CENPV: variants seen among roughly 807,000 people sequenced by gnomAD.
CENPV encodes centromere protein V.
CENPV carries 15 observed loss-of-function variants against 26.4 expected under a neutral mutation model. The observed-to-expected ratio is 0.57, with a 90% CI of 0.38 to 0.88. The LOEUF (loss-of-function observed/expected upper bound fraction) is 0.88, where lower values mean the gene tolerates loss of function less well. CENPV is among the 40% of genes least tolerant of loss of function. CENPV has a pLI of 0.00. For synonymous variants in CENPV, 172 were observed against 165.5 expected (o/e 1.04, Z -0.30); for missense variants, 336 against 376.5 (o/e 0.89, Z 0.89).
intron 3 of CENPV, among the ~76,000 whole-genome samples, chr17:16,345,012 T>C (rs2142897043): frequency 6.6e-6 from 1 of 152,076 alleles, no homozygotes; most frequent in Non-Finnish European, 1.5e-5. Flanking sequence ...ACCTCATGAT[T>C]CACCCACCTT....
Position 16,353,162 on chromosome 17 carries a change from G to A in CENPV, c.275C>T (p.Pro92Leu), listed in dbSNP as rs771253207. The A allele has an allele frequency of 3.4e-6, 5 of 1,451,638 alleles. No homozygotes were observed. Among genetic ancestry groups the A allele is most frequent in the South Asian group, 1.4e-5 (1 of 71,452 alleles). 89.9% of individuals were successfully genotyped at this position (1,451,638 alleles called of 1,614,324 possible). Residue 92 changes from proline to leucine, a missense_variant, in exon 1 of 5, where the codon CCG becomes CTG. This residue lies in a region of CENPV where 181 missense variants were observed against 148.8 expected (regional missense o/e 1.22). Coordinates refer to ENST00000299736, the MANE Select transcript of CENPV (RefSeq NM_181716.3). The stretch of plus-strand genomic sequence containing the variant: ...CGTCGGGGTCGCGGGAGTCGGCGGC[G>A]GCGGCGGCGGTGGCGGGAGCAACGC... ...ELALLPPPPP[P>L]PPTPATPTSS... is the part of the protein sequence containing the mutation.
chr17:16,347,111 A>G (rs2093210367), intron 3 of CENPV, among the ~76,000 whole-genome samples: 3 of 152,060 alleles, frequency 2.0e-5, no homozygotes, highest in Non-Finnish European at 4.4e-5. Flanking sequence ...TTGGCCTTCC[A>G]AAGTGCTGGG....
At chr17:16,344,992 C>T (rs2093199371) in intron 3 of CENPV, among the ~76,000 whole-genome samples, 1 of 151,900 alleles carries the variant, frequency 6.6e-6, no homozygotes, top group African/African-American at 2.4e-5. Flanking sequence ...AGGTTGGTCT[C>T]GAACTCCTGA....
intron 1 of CENPV, chr17:16,351,829 G>C (rs2093230331): frequency 6.6e-6 from 1 of 151,894 alleles, no homozygotes; most frequent in South Asian, 2.1e-4. Context: ...CTTTTTTTCT[G>C]TATGCCTTGA....
chr17:16,353,199 G>C lies in CENPV; in HGVS notation c.238C>G (p.Pro80Ala). The change falls in exon 1 of 5, where the codon CCG (proline) becomes GCG (alanine). Residue 80 changes from proline (P) to alanine (A), a missense_variant. This residue lies in a region of CENPV where 181 missense variants were observed against 148.8 expected (regional missense o/e 1.22). Transcript: ENST00000299736. ...AQEEGPGEPP[P>A]PELALLPPPP... is the part of the protein sequence containing the mutation. ...GGCGGGAGCAACGCCAGCTCAGGCGGCGGCGGCTCCCCCGGGCCCTCCTCC... is the reference window on the plus strand; with the variant it reads ...GGCGGGAGCAACGCCAGCTCAGGCGCCGGCGGCTCCCCCGGGCCCTCCTCC... 2.2e-6 allele frequency: 3 copies of C among 1,370,968 alleles called. No homozygotes were observed. The South Asian group carries it at 5.2e-5, about 24-fold the overall frequency. 84.9% of individuals were successfully genotyped at this position (1,370,968 alleles called of 1,614,324 possible).
intron 1 of CENPV, 80 bp downstream of exon 1, chr17:16,352,947 C>A: frequency 1.4e-6 from 2 of 1,428,062 alleles, no homozygotes; most frequent in South Asian, 1.4e-5. Flanking sequence ...CCAAGGCCTG[C>A]ACGCGGGCTG....
intron 2 of CENPV, chr17:16,349,451 A>C: frequency 2.0e-6 from 2 of 986,422 alleles, no homozygotes; most frequent in Non-Finnish European, 2.4e-6. Flanking sequence ...GGTACAAATC[A>C]GGCCCTCCAC....
chr17:16,349,634 A>G, intron 2 of CENPV: 1 of 1,137,332 alleles, frequency 8.8e-7, no homozygotes, highest in Non-Finnish European at 1.1e-6. Context: ...GCACACCTGC[A>G]GCTAACCGCC....
Position 16,353,010 on chromosome 17 carries a change from C to T in CENPV, c.410+17G>A, listed in dbSNP as rs555542775. On this transcript the variant is annotated intron_variant, in intron 1 of 4. Transcript: ENST00000299736. ...GCGTGGCAACGGCTCCCGCGCCCCC[C>T]GGCCCGCCGCACTCACAAGGTGTCT... 57 of 1,540,386 alleles carry T rather than the reference C, an allele frequency of 3.7e-5. 1 individual carries two copies. In the East Asian group the frequency reaches 1.3e-3, roughly 36 times the overall value.
chr17:16,350,117 A>T, intron 1 of CENPV, 88 bp from the exon 2 acceptor site: 4 of 1,504,624 alleles, frequency 2.7e-6, no homozygotes, highest in Non-Finnish European at 1.8e-6. Context: ...ACAGAAGATT[A>T]GACAAAAGTC....
In CENPV at chr17:16,348,544, C is replaced by T. The variant is rs1286428364; in HGVS notation, c.579+72G>A. ...TCCCATGCTACAGACGGCATGCTAACAGTTGGGTGGGGGGTCCTGTAAATC... is the reference window on the plus strand; with the variant it reads ...TCCCATGCTACAGACGGCATGCTAATAGTTGGGTGGGGGGTCCTGTAAATC... On this transcript the variant is annotated intron_variant, in intron 3 of 4. Coordinates refer to ENST00000299736, the MANE Select transcript of CENPV (RefSeq NM_181716.3). 1.4e-5 allele frequency: 22 copies of T among 1,600,202 alleles called. No individual in the cohort carries two copies. In the East Asian group the frequency reaches 2.9e-4, roughly 21 times the overall value.
Position 16,342,806 on chromosome 17 carries a change from G to C in CENPV, c.*11C>G, listed in dbSNP as rs141730289. 22 of 1,613,996 alleles carry C rather than the reference G, an allele frequency of 1.4e-5. No individual in the cohort carries two copies. Among genetic ancestry groups the C allele is most frequent in the Non-Finnish European group, 1.9e-5 (22 of 1,179,974 alleles). ...ATCATTCCTCCTTTTCAGGGCAGGA[G>C]AGGCAGAAGCTCACTCTTTAGACAT... is the stretch of plus-strand genomic sequence containing the variant. On this transcript the variant is annotated 3_prime_UTR_variant, in exon 5 of 5. Transcript: ENST00000299736.
Position 16,353,358 on chromosome 17 carries a change from A to C in CENPV, c.79T>G (p.Ser27Ala), listed in dbSNP as rs754483275. The C allele has an allele frequency of 2.9e-6, 3 of 1,030,656 alleles. No homozygotes were observed. The African/African-American group carries it at 5.8e-5, about 20-fold the overall frequency. The allele number at this position is 1,030,656 out of a possible 1,614,324, so 63.8% of individuals were successfully genotyped here. The change falls in exon 1 of 5, where the codon TCC becomes GCC. Residue 27 changes from serine (S) to alanine (A), a missense_variant. This residue lies in a region of CENPV where 181 missense variants were observed against 148.8 expected (regional missense o/e 1.22). Transcript: ENST00000299736. The part of the protein sequence containing the change: ...RSGASAAPAA[S>A]AAAALAPSAT... ...CTGGGTGCCAAGGCAGCGGCCGCGG[A>C]GGCCGCGGGGGCCGCGGAGGCCCCG... is the stretch of plus-strand genomic sequence containing the variant.
intron 3 of CENPV, among the ~76,000 whole-genome samples, chr17:16,346,120 A>G (rs966692715): frequency 6.6e-6 from 1 of 152,260 alleles, no homozygotes; most frequent in Non-Finnish European, 1.5e-5. Flanking sequence ...ACAAGTATGT[A>G]GAGAAATATG....
intron 3 of CENPV, among the ~76,000 whole-genome samples, chr17:16,346,857 T>C (rs1350051586): frequency 6.6e-6 from 1 of 151,812 alleles, no homozygotes; most frequent in African/African-American, 2.4e-5. Context: ...TTTTGTTTTG[T>C]TTTGTTTTTT....
chr17:16,346,252 T>C (rs997263788), intron 3 of CENPV, among the ~76,000 whole-genome samples: 2 of 152,338 alleles, frequency 1.3e-5, no homozygotes, highest in Non-Finnish European at 2.9e-5. Flanking sequence ...TATACAGATA[T>C]ATTCCAAATG....
intron 1 of CENPV, 109 bp from the exon 2 acceptor site, chr17:16,350,138 G>T: frequency 7.5e-7 from 1 of 1,334,894 alleles, no homozygotes; most frequent in Non-Finnish European, 1.0e-6. Flanking sequence ...TTTTCTACAT[G>T]ACAACCAGAT....
Position 16,353,132 on chromosome 17 carries a change from G to A in CENPV, c.305C>T (p.Ser102Leu), listed in dbSNP as rs2093234608. 1.3e-6 allele frequency: 2 copies of A among 1,519,834 alleles called. No individual in the cohort carries two copies. The highest frequency in any genetic ancestry group is 1.4e-5 in the African/African-American group (1 of 69,448). The allele number at this position is 1,519,834 out of a possible 1,614,324, so 94.1% of individuals were successfully genotyped here. The part of the protein sequence containing the change: ...PPPTPATPTS[S>L]ASNLDLGEQR... The stretch of plus-strand genomic sequence containing the variant: ...CTCGCCCAGGTCCAGGTTGGACGCC[G>A]AGGACGTCGGGGTCGCGGGAGTCGG... Residue 102 changes from serine to leucine, a missense_variant, in exon 1 of 5, where the codon TCG becomes TTG. Physicochemically the swap from Ser to Leu is moderately radical, Grantham distance 145. This residue lies in a region of CENPV where 155 missense variants were observed against 227.8 expected (regional missense o/e 0.68). Coordinates refer to ENST00000299736, the MANE Select transcript of CENPV (RefSeq NM_181716.3).
At chr17:16,350,834 C>A (rs1323176440) in intron 1 of CENPV, 1 of 152,024 alleles carries the variant, frequency 6.6e-6, no homozygotes, top group African/African-American at 2.4e-5. Context: ...TCCAGAAGAG[C>A]CTTTTGAGAA....
Sources: allele counts gnomAD v4.1 joint callset (sites outside exome capture counted in the v4.1 genomes callset), GRCh38; gene constraint gnomAD v4.1.1; regional missense constraint gnomAD v4.1.1; transcripts MANE v1.5; gene names NCBI Gene and HGNC (gene_info 2026-07-23, HGNC 2026-07-21).